The following TRPC7 variants were observed in gnomAD, a reference collection of about 807,000 sequenced individuals.
TRPC7 encodes short transient receptor potential channel 7.
A neutral mutation model predicts 90.1 loss-of-function variants in TRPC7; 42 were observed. The ratio of observed to expected loss-of-function variants is 0.47; its 90% CI spans 0.36 to 0.60. TRPC7 has a LOEUF of 0.60. Among genes scored for constraint, TRPC7 ranks in the 20% least tolerant of loss-of-function variants. TRPC7 has a pLI of 0.00. For missense variants in TRPC7, 955 were observed against 1,112.3 expected, an observed-to-expected ratio of 0.86 and a Z score of 2.01; for synonymous variants, 451 against 436.3, an observed-to-expected ratio of 1.03 and a Z score of -0.42.
intron 10 of TRPC7, among the ~76,000 whole-genome samples, chr5:136,219,125 C>A (rs964268627): frequency 5.9e-5 from 9 of 152,128 alleles, no homozygotes; most frequent in Non-Finnish European, 4.4e-5. Context: ...AGGGGGAAGC[C>A]TCACTAGATT....
Position 136,357,327 on chromosome 5 carries a change from C to T in TRPC7, c.61G>A (p.Gly21Ser). ...GGACCCCGGATGGCCTGGCGACGGC[C>T]CTTCTCCCTCAGCGTTGTGTGCCGG... ...QRRHTTLREK[G>S]RRQAIRGPAY... Residue 21 changes from glycine to serine, a missense_variant, in exon 2 of 12, where the codon GGC becomes AGC. Coordinates refer to ENST00000513104, the MANE Select transcript of TRPC7 (RefSeq NM_020389.3). The T allele has an allele frequency of 6.2e-7, 1 of 1,606,678 alleles. No individual in the cohort carries two copies. Among genetic ancestry groups the T allele is most frequent in the Non-Finnish European group, 8.5e-7 (1 of 1,179,846 alleles).
intron 6 of TRPC7, among the ~76,000 whole-genome samples, chr5:136,249,359 A>C (rs1756448928): frequency 6.6e-6 from 1 of 152,260 alleles, no homozygotes; most frequent in Non-Finnish European, 1.5e-5. Flanking sequence ...ATTTGGAAAT[A>C]TAATAACATT....
chr5:136,253,967 T>G (rs1756607896), intron 5 of TRPC7, among the ~76,000 whole-genome samples: 1 of 152,114 alleles, frequency 6.6e-6, no homozygotes. Context: ...AACTCATGAG[T>G]GATTGATTAA....
intron 2 of TRPC7, among the ~76,000 whole-genome samples, chr5:136,329,436 C>A (rs1054276247): frequency 6.6e-6 from 1 of 152,046 alleles, no homozygotes. Flanking sequence ...AAGTGCCTTG[C>A]GACAGGGTTG....
At chr5:136,262,048 G>T (rs1756873957) in intron 5 of TRPC7, among the ~76,000 whole-genome samples, 1 of 152,214 alleles carries the variant, frequency 6.6e-6, no homozygotes, top group South Asian at 2.1e-4. Context: ...CAATCCAATT[G>T]TAAGTGTTAT....
intron 10 of TRPC7, among the ~76,000 whole-genome samples, chr5:136,220,468 A>G (rs1056221023): frequency 6.6e-6 from 1 of 152,130 alleles, no homozygotes; most frequent in African/African-American, 2.4e-5. Context: ...AAGAACTGAA[A>G]TATGCCCTGG....
At chr5:136,248,517 G>C (rs1756416741) in intron 6 of TRPC7, among the ~76,000 whole-genome samples, 1 of 152,192 alleles carries the variant, frequency 6.6e-6, no homozygotes, top group Non-Finnish European at 1.5e-5. Flanking sequence ...GAATCTAAAG[G>C]ATCTTGCCTG....
intron 7 of TRPC7, among the ~76,000 whole-genome samples, chr5:136,238,133 TCA>T (rs1756047482): frequency 6.6e-6 from 1 of 152,230 alleles, no homozygotes; most frequent in African/African-American, 2.4e-5. Context: ...GGCTTCAGGC[TCA>T]GTCAGCATGT....
At chr5:136,320,519 C>T (rs1332646366) in intron 2 of TRPC7, among the ~76,000 whole-genome samples, 1 of 152,146 alleles carries the variant, frequency 6.6e-6, no homozygotes, top group Non-Finnish European at 1.5e-5. Flanking sequence ...GTCACTCTCT[C>T]ACCTTCCTTG....
intron 5 of TRPC7, among the ~76,000 whole-genome samples, chr5:136,262,721 A>C (rs1482182275): frequency 6.6e-6 from 1 of 152,206 alleles, no homozygotes; most frequent in East Asian, 1.9e-4. Flanking sequence ...AGCAAACATA[A>C]ATAATATTTT....
intron 3 of TRPC7, among the ~76,000 whole-genome samples, chr5:136,276,373 T>C (rs1311256971): frequency 6.6e-6 from 1 of 152,212 alleles, no homozygotes; most frequent in African/African-American, 2.4e-5. Context: ...TGGAACGTCA[T>C]GTGCTGATTT....
chr5:136,220,408 G>A (rs971930229), intron 10 of TRPC7, among the ~76,000 whole-genome samples: 3 of 152,132 alleles, frequency 2.0e-5, no homozygotes, highest in Non-Finnish European at 4.4e-5. Context: ...TTCCTGGGGG[G>A]CAGTCTATAA....
intron 3 of TRPC7, among the ~76,000 whole-genome samples, chr5:136,282,745 G>A (rs1392166): frequency 0.12 from 18,350 of 152,196 alleles, 1,151 homozygotes; most frequent in African/African-American, 0.14. Context: ...GTGTAACCCA[G>A]ATGTTCCAGG....
At chr5:136,218,591 G>T (rs113125990) in intron 10 of TRPC7, among the ~76,000 whole-genome samples, 39 of 152,246 alleles carry the variant, frequency 2.6e-4, no homozygotes, top group African/African-American at 9.1e-4. Context: ...AGGTGCAGCC[G>T]GAATTACAGC....
At chr5:136,303,274 C>A (rs1758470118) in intron 3 of TRPC7, among the ~76,000 whole-genome samples, 3 of 152,168 alleles carry the variant, frequency 2.0e-5, no homozygotes, top group Non-Finnish European at 4.4e-5. Context: ...CAGCCCTAGA[C>A]CCTAAAAGGT....
intron 8 of TRPC7, among the ~76,000 whole-genome samples, chr5:136,226,860 T>C (rs776670099): frequency 1.3e-5 from 2 of 152,268 alleles, no homozygotes; most frequent in Non-Finnish European, 2.9e-5. Flanking sequence ...GCTTACCGTA[T>C]TGTTTTCATA....
Position 136,343,100 on chromosome 5 carries a change from G to A in TRPC7, c.780+13508C>T, listed in dbSNP as rs1382118424. Among the ~76,000 whole-genome samples the A allele has an allele frequency of 2.0e-5, 3 of 152,128 alleles. No homozygotes were observed. In the East Asian group the frequency reaches 5.8e-4, roughly 29 times the overall value. On this transcript the variant is annotated intron_variant, in intron 2 of 11. Transcript: ENST00000513104. ...ACTCTGTATACAAAAGCAAACTCCA[G>A]CTGTACTAAGGACTTAAAAGTGAAT...
chr5:136,335,765 G>A (rs1351945095), intron 2 of TRPC7, among the ~76,000 whole-genome samples: 5 of 151,744 alleles, frequency 3.3e-5, no homozygotes, highest in African/African-American at 1.2e-4. Context: ...TTAGCCAGGC[G>A]TGGTGGCGGG....
intron 3 of TRPC7, among the ~76,000 whole-genome samples, chr5:136,308,798 G>C (rs1482281620): frequency 1.3e-5 from 2 of 152,222 alleles, no homozygotes; most frequent in African/African-American, 4.8e-5. Context: ...TGAGCTCCCT[G>C]CAGGCCAGCA....
Sources: allele counts gnomAD v4.1 joint callset (sites outside exome capture counted in the v4.1 genomes callset), GRCh38; gene constraint gnomAD v4.1.1; transcripts MANE v1.5; gene names NCBI Gene and HGNC (gene_info 2026-07-23, HGNC 2026-07-21).